The following RGS7 variants were observed in gnomAD, a reference collection of about 807,000 sequenced individuals.
RGS7 encodes regulator of G-protein signaling 7.
A neutral mutation model predicts 81.1 loss-of-function variants in RGS7; 27 were observed. The observed-to-expected ratio is 0.33, with a 90% CI of 0.25 to 0.46. The LOEUF is 0.46. RGS7 is among the 20% of genes least tolerant of loss of function. RGS7 has a pLI of 1.00. For synonymous variants in RGS7, 208 were observed against 207.7 expected (o/e 1.00, Z -0.01); for missense variants, 396 against 607.4 (o/e 0.65, Z 3.66).
intron 6 of RGS7, chr1:240,919,919 C>T (rs1423103721): frequency 4.2e-6 from 5 of 1,204,486 alleles, no homozygotes; most frequent in Non-Finnish European, 4.9e-6. Flanking sequence ...AGAGAGCTGT[C>T]TCAAGAGAAG....
At chr1:241,076,089 G>C (rs2062782137) in intron 3 of RGS7, among the ~76,000 whole-genome samples, 2 of 152,228 alleles carry the variant, frequency 1.3e-5, no homozygotes, top group Admixed American at 1.3e-4. Flanking sequence ...ACTGAACATA[G>C]GGCAGCCCTC....
At chr1:240,949,137 A>C (rs942381952) in intron 4 of RGS7, among the ~76,000 whole-genome samples, 1 of 152,168 alleles carries the variant, frequency 6.6e-6, no homozygotes, top group Non-Finnish European at 1.5e-5. Flanking sequence ...CTGTTGGTCA[A>C]GAGGGAGGTC....
chr1:240,917,540 C>A (rs576919566), intron 6 of RGS7, among the ~76,000 whole-genome samples: 4 of 152,134 alleles, frequency 2.6e-5, no homozygotes, highest in Admixed American at 2.0e-4. Flanking sequence ...TACAGTGTTA[C>A]CTAAAAATGG....
chr1:241,228,511 C>T (rs192334770), intron 2 of RGS7, among the ~76,000 whole-genome samples: 258 of 151,830 alleles, frequency 1.7e-3, no homozygotes, highest in African/African-American at 6.0e-3. Flanking sequence ...GATAAGAAAC[C>T]CAAGGTACAG....
chr1:241,035,157 A>G (rs2060262935), intron 3 of RGS7, among the ~76,000 whole-genome samples: 1 of 152,180 alleles, frequency 6.6e-6, no homozygotes, highest in Admixed American at 6.5e-5. Flanking sequence ...GAGCTAGAAT[A>G]GCAACATTAA....
At chr1:241,135,849 C>G (rs983590680) in intron 2 of RGS7, among the ~76,000 whole-genome samples, 1 of 151,432 alleles carries the variant, frequency 6.6e-6, no homozygotes, top group Non-Finnish European at 1.5e-5. Flanking sequence ...CTCAGCTCAC[C>G]ACAACCTCCG....
chr1:240,983,589 C>T (rs2148560267), intron 3 of RGS7, among the ~76,000 whole-genome samples: 1 of 152,294 alleles, frequency 6.6e-6, no homozygotes, highest in East Asian at 1.9e-4. Context: ...TTTCAAGTCT[C>T]TGTGTCTCCA....
At chr1:241,063,652 TC>T (rs907973456) in intron 3 of RGS7, among the ~76,000 whole-genome samples, 1 of 152,212 alleles carries the variant, frequency 6.6e-6, no homozygotes, top group East Asian at 1.9e-4. Context: ...TGTCCTATTT[TC>T]CAACATGTAA....
chr1:240,870,679 G>C (rs952097224), intron 6 of RGS7, among the ~76,000 whole-genome samples: 2 of 152,066 alleles, frequency 1.3e-5, no homozygotes, highest in Non-Finnish European at 2.9e-5. Flanking sequence ...ACAGTTTTTA[G>C]CATCTTCAAC....
chr1:240,996,256 C>G (rs1168305841), intron 3 of RGS7, among the ~76,000 whole-genome samples: 1 of 152,058 alleles, frequency 6.6e-6, no homozygotes, highest in African/African-American at 2.4e-5. Flanking sequence ...CCATGAAAAG[C>G]AAAACACCAT....
At chr1:240,822,662 G>T (rs2103158532) in intron 10 of RGS7, among the ~76,000 whole-genome samples, 1 of 152,206 alleles carries the variant, frequency 6.6e-6, no homozygotes, top group East Asian at 1.9e-4. Flanking sequence ...TCAAACTAGT[G>T]ATTTGTCTTC....
intron 6 of RGS7, among the ~76,000 whole-genome samples, chr1:240,880,451 T>G (rs1666178262): frequency 6.6e-6 from 1 of 152,156 alleles, no homozygotes. Flanking sequence ...AATCTTGGGT[T>G]TCCCATCACG....
At chr1:241,120,002 C>T (rs1023263396) in intron 2 of RGS7, among the ~76,000 whole-genome samples, 1 of 152,186 alleles carries the variant, frequency 6.6e-6, no homozygotes, top group African/African-American at 2.4e-5. Flanking sequence ...CACTGTGGTC[C>T]GAGTGGCGTG....
intron 2 of RGS7, among the ~76,000 whole-genome samples, chr1:241,323,743 T>G (rs1218528968): frequency 1.3e-5 from 2 of 152,124 alleles, no homozygotes; most frequent in Non-Finnish European, 2.9e-5. Flanking sequence ...AGGTTCTGAT[T>G]CCAGTCAACC....
chr1:240,853,708 C>T (rs558199898), intron 9 of RGS7, among the ~76,000 whole-genome samples: 2 of 151,984 alleles, frequency 1.3e-5, no homozygotes, highest in African/African-American at 4.8e-5. Flanking sequence ...GGAGACCATA[C>T]GGGCTAACAC....
chr1:241,147,251 T>C (rs923278587), intron 2 of RGS7, among the ~76,000 whole-genome samples: 3 of 152,176 alleles, frequency 2.0e-5, no homozygotes, highest in Non-Finnish European at 4.4e-5. Flanking sequence ...AGGCAATGAA[T>C]AATATGAAGA....
At chr1:241,180,548 C>A (rs577506618) in intron 2 of RGS7, among the ~76,000 whole-genome samples, 105 of 152,250 alleles carry the variant, frequency 6.9e-4, no homozygotes, top group African/African-American at 2.5e-3. Flanking sequence ...CATTGTATGG[C>A]AACTACAAAG....
intron 2 of RGS7, among the ~76,000 whole-genome samples, chr1:241,218,219 G>A (rs1283769187): frequency 2.0e-5 from 3 of 152,082 alleles, no homozygotes; most frequent in African/African-American, 7.2e-5. Flanking sequence ...GAGAATCTTT[G>A]TTTTAGGGGA....
chr1:241,196,356 G>C (rs778537288), intron 2 of RGS7, among the ~76,000 whole-genome samples: 3 of 151,800 alleles, frequency 2.0e-5, no homozygotes, highest in Non-Finnish European at 4.4e-5. Context: ...GGATATTCAA[G>C]AAGAAGTAAA....
Sources: allele counts gnomAD v4.1 joint callset (sites outside exome capture counted in the v4.1 genomes callset), GRCh38; gene constraint gnomAD v4.1.1; transcripts MANE v1.5; gene names NCBI Gene and HGNC (gene_info 2026-07-23, HGNC 2026-07-21).